KALRN: variants seen among roughly 807,000 people sequenced by gnomAD.
KALRN encodes kalirin.
Under a neutral mutation model 353.7 loss-of-function variants are expected in KALRN, and 70 were observed. The observed-to-expected ratio is 0.20, with a 90% CI of 0.16 to 0.24. The LOEUF (loss-of-function observed/expected upper bound fraction) is 0.24. Ranked by LOEUF, KALRN falls within the 10% of genes least tolerant of loss-of-function variation. The probability of loss-of-function intolerance (pLI) is 1.00; values close to 1 mark genes in which losing one functional copy is unlikely to be tolerated. For missense variants in KALRN, 2,791 were observed against 3,756.7 expected (o/e 0.74, Z 6.72); for synonymous variants, 1,391 against 1,434.8 (o/e 0.97, Z 0.69).
chr3:124,191,349 C>T (rs1014276075), intron 1 of KALRN, among the ~76,000 whole-genome samples: 1 of 152,178 alleles, frequency 6.6e-6, no homozygotes, highest in African/African-American at 2.4e-5. Flanking sequence ...AAAGTCCCAA[C>T]CTTCTAATCA....
chr3:124,100,562 T>C (rs1172489023), intron 1 of KALRN: 1 of 152,338 alleles, frequency 6.6e-6, no homozygotes, highest in East Asian at 1.9e-4. Context: ...ATGAAATTGC[T>C]AGAAGAAAAC....
intron 1 of KALRN, among the ~76,000 whole-genome samples, chr3:124,188,843 A>G (rs927797926): frequency 6.6e-6 from 1 of 152,176 alleles, no homozygotes; most frequent in Non-Finnish European, 1.5e-5. Flanking sequence ...GCATATTTGT[A>G]TTCGTACTTC....
chr3:124,595,411 C>T (rs1426008061), intron 34 of KALRN, among the ~76,000 whole-genome samples: 1 of 152,144 alleles, frequency 6.6e-6, no homozygotes, highest in Non-Finnish European at 1.5e-5. Context: ...TGGAAGTTAC[C>T]AGACACCATG....
chr3:124,280,423 T>C (rs2075232190), intron 5 of KALRN, among the ~76,000 whole-genome samples: 2 of 152,320 alleles, frequency 1.3e-5, no homozygotes, highest in South Asian at 4.1e-4. Context: ...CTCCCATAAC[T>C]TGGGGACAGT....
chr3:124,358,342 A>G (rs964284459), intron 10 of KALRN, among the ~76,000 whole-genome samples: 1 of 152,194 alleles, frequency 6.6e-6, no homozygotes, highest in Non-Finnish European at 1.5e-5. Context: ...CTATCAGAGG[A>G]GGCTTTAACC....
At chr3:124,144,505 C>T (rs2067038288) in intron 1 of KALRN, among the ~76,000 whole-genome samples, 1 of 152,060 alleles carries the variant, frequency 6.6e-6, no homozygotes, top group African/African-American at 2.4e-5. Context: ...TCCTCCTCTT[C>T]CTCATTGTCC....
chr3:124,258,118 G>C (rs1277112818), intron 3 of KALRN, among the ~76,000 whole-genome samples: 1 of 152,174 alleles, frequency 6.6e-6, no homozygotes, highest in Non-Finnish European at 1.5e-5. Context: ...TGCGGGAGTT[G>C]GTTGGCCAGA....
intron 1 of KALRN, among the ~76,000 whole-genome samples, chr3:124,141,923 G>A (rs1046612737): frequency 2.0e-5 from 3 of 152,174 alleles, no homozygotes; most frequent in Admixed American, 2.0e-4. Context: ...GGAGGATCTG[G>A]GTTTGAATCC....
chr3:124,139,265 G>A (rs1467021909), intron 1 of KALRN, among the ~76,000 whole-genome samples: 1 of 152,180 alleles, frequency 6.6e-6, no homozygotes. Context: ...TTGTTCTCCA[G>A]AGAAAACATG....
At chr3:124,631,950 C>T (rs565812677) in intron 34 of KALRN, among the ~76,000 whole-genome samples, 91 of 152,330 alleles carry the variant, frequency 6.0e-4, no homozygotes, top group African/African-American at 1.9e-3. Context: ...CGCCAGATGG[C>T]GTCACCACCA....
At chr3:124,662,000 C>T in intron 45 of KALRN, 72 bp downstream of exon 45, 1 of 1,196,900 alleles carries the variant, frequency 8.4e-7, no homozygotes, top group Non-Finnish European at 1.2e-6. Context: ...GCGGCTTCCT[C>T]CCCCTGAAGC....
At chr3:124,704,018 G>T (rs1345762193) in intron 57 of KALRN, among the ~76,000 whole-genome samples, 4 of 152,156 alleles carry the variant, frequency 2.6e-5, no homozygotes, top group East Asian at 3.8e-4. Flanking sequence ...GGGAGGTTAA[G>T]TAACTTTCTT....
chr3:124,236,384 G>A (rs945267727), intron 3 of KALRN, among the ~76,000 whole-genome samples: 3 of 152,168 alleles, frequency 2.0e-5, no homozygotes, highest in Admixed American at 1.3e-4. Context: ...AGGTAATTTA[G>A]CAATTTAGCC....
intron 5 of KALRN, among the ~76,000 whole-genome samples, chr3:124,288,223 G>C (rs1200314876): frequency 6.6e-6 from 1 of 152,080 alleles, no homozygotes; most frequent in Admixed American, 6.6e-5. Flanking sequence ...CTAAATTAAG[G>C]CTATGTTTGT....
At chr3:124,343,671 C>G (rs911197372) in intron 9 of KALRN, among the ~76,000 whole-genome samples, 2 of 152,224 alleles carry the variant, frequency 1.3e-5, no homozygotes, top group African/African-American at 4.8e-5. Flanking sequence ...AAATCCTACT[C>G]TCTCTCAGAT....
At chr3:124,230,848 C>T (rs1157764181) in intron 2 of KALRN, among the ~76,000 whole-genome samples, 4 of 130,106 alleles carry the variant, frequency 3.1e-5, no homozygotes, top group Non-Finnish European at 4.8e-5. Flanking sequence ...ACAAAAAAAC[C>T]CCCAAAACCA....
chr3:124,306,044 T>C lies in KALRN; in HGVS notation c.1092+7131T>C, dbSNP rs111306523. ...TGAAAGCATAATTACAATGTCCCCA[T>C]CAAACACAGAATATCAGTAAAGACA... is the stretch of plus-strand genomic sequence containing the variant. On this transcript the variant is annotated intron_variant, in intron 6 of 59. Transcript: ENST00000682506. Among the ~76,000 whole-genome samples, 289 of 152,240 alleles carry C rather than the reference T, an allele frequency of 1.9e-3. 3 individuals are homozygous for C. Among genetic ancestry groups the C allele is most frequent in the African/African-American group, 6.5e-3 (271 of 41,546 alleles).
intron 1 of KALRN, among the ~76,000 whole-genome samples, chr3:124,203,339 C>T (rs951755524): frequency 3.3e-5 from 5 of 152,168 alleles, no homozygotes; most frequent in South Asian, 4.1e-4. Context: ...AAGACAGGTT[C>T]TATTTGATTG....
At chr3:124,310,666 A>G (rs1018886129) in intron 6 of KALRN, among the ~76,000 whole-genome samples, 11 of 152,198 alleles carry the variant, frequency 7.2e-5, no homozygotes, top group African/African-American at 2.7e-4. Context: ...ATGGGGAAAG[A>G]ACTGTCTTTT....
Sources: allele counts gnomAD v4.1 joint callset (sites outside exome capture counted in the v4.1 genomes callset), GRCh38; gene constraint gnomAD v4.1.1; transcripts MANE v1.5; gene names NCBI Gene and HGNC (gene_info 2026-07-23, HGNC 2026-07-21).